SDK1: variants seen among roughly 807,000 people sequenced by gnomAD.
SDK1 encodes the protein sidekick cell adhesion molecule 1.
SDK1 carries 157 observed loss-of-function variants against 245.5 expected under a neutral mutation model. That is an observed-to-expected ratio of 0.64 (90% CI 0.56 to 0.73). The LOEUF (loss-of-function observed/expected upper bound fraction) is 0.73, where lower values mean the gene tolerates loss of function less well. Among genes scored for constraint, SDK1 ranks in the 30% least tolerant of loss-of-function variants. The probability of loss-of-function intolerance (pLI) is 0.00; values close to 1 mark genes in which losing one functional copy is unlikely to be tolerated. For synonymous variants in SDK1, 1,647 were observed against 1,278.5 expected (o/e 1.29, Z -6.15); for missense variants, 3,583 against 3,002.3 (o/e 1.19, Z -4.52).
intron 35 of SDK1, among the ~76,000 whole-genome samples, chr7:4,185,355 C>G (rs1782826313): frequency 1.3e-5 from 2 of 152,202 alleles, no homozygotes; most frequent in African/African-American, 4.8e-5. Context: ...GGACCACGCT[C>G]CAGCCTTCAA....
chr7:4,032,000 C>T (rs1787854012), intron 17 of SDK1, among the ~76,000 whole-genome samples: 1 of 148,148 alleles, frequency 6.8e-6, no homozygotes, highest in Admixed American at 6.8e-5. Flanking sequence ...GCACTCCAGC[C>T]TGGGTGACAG....
At chr7:3,771,464 A>G (rs1295170071) in intron 4 of SDK1, among the ~76,000 whole-genome samples, 1 of 151,538 alleles carries the variant, frequency 6.6e-6, no homozygotes, top group Non-Finnish European at 1.5e-5. Flanking sequence ...AATAAACTTA[A>G]CTCACCCTCA....
intron 4 of SDK1, among the ~76,000 whole-genome samples, chr7:3,769,016 G>A (rs1014763956): frequency 6.6e-6 from 1 of 152,160 alleles, no homozygotes; most frequent in Non-Finnish European, 1.5e-5. Flanking sequence ...TTGTAATTAT[G>A]CCACGTTCTC....
intron 4 of SDK1, among the ~76,000 whole-genome samples, chr7:3,717,616 A>T (rs1785240402): frequency 1.3e-5 from 2 of 152,218 alleles, no homozygotes; most frequent in Non-Finnish European, 2.9e-5. Context: ...AGCCTTTAAA[A>T]GAATGATAGG....
intron 2 of SDK1, among the ~76,000 whole-genome samples, chr7:3,627,903 C>G (rs1782169795): frequency 6.6e-6 from 1 of 152,176 alleles, no homozygotes; most frequent in Non-Finnish European, 1.5e-5. Context: ...ATTTCCAGTC[C>G]TGTTTCTCCC....
intron 1 of SDK1, among the ~76,000 whole-genome samples, chr7:3,320,853 A>G (rs1353828034): frequency 1.3e-5 from 2 of 152,142 alleles, no homozygotes; most frequent in East Asian, 3.9e-4. Context: ...TGTTTCAGGA[A>G]TTGGAGAAAT....
intron 1 of SDK1, among the ~76,000 whole-genome samples, chr7:3,518,960 G>T (rs1279680063): frequency 7.1e-6 from 1 of 140,142 alleles, no homozygotes; most frequent in Non-Finnish European, 1.6e-5. Flanking sequence ...ACGCTATTCA[G>T]CCATAAAAAA....
chr7:4,016,400 G>T (rs1225139195), intron 16 of SDK1, among the ~76,000 whole-genome samples: 1 of 152,232 alleles, frequency 6.6e-6, no homozygotes, highest in Non-Finnish European at 1.5e-5. Context: ...AATTACCTGA[G>T]TCAGTTCAGT....
At chr7:4,233,548 G>A (rs962162084) in intron 41 of SDK1, 129 bp downstream of exon 41, 8 of 884,466 alleles carry the variant, frequency 9.0e-6, no homozygotes, top group African/African-American at 1.7e-5. Context: ...GGGGACCCAG[G>A]GAGGTCTGTC....
At chr7:4,161,756 A>C (rs767284983) in intron 31 of SDK1, 30 bp from the exon 32 acceptor site, 153 of 1,596,780 alleles carry the variant, frequency 9.6e-5, no homozygotes, top group Non-Finnish European at 1.2e-4. Flanking sequence ...AACCACCCTG[A>C]CCCCCGCTTT....
At chr7:4,064,777 G>T (rs1471793771) in intron 19 of SDK1, among the ~76,000 whole-genome samples, 1 of 152,142 alleles carries the variant, frequency 6.6e-6, no homozygotes, top group Non-Finnish European at 1.5e-5. Flanking sequence ...CAGGGAACTG[G>T]AGGGCATTAC....
At chr7:3,419,540 G>A (rs975721367) in intron 1 of SDK1, among the ~76,000 whole-genome samples, 1 of 152,114 alleles carries the variant, frequency 6.6e-6, no homozygotes, top group African/African-American at 2.4e-5. Flanking sequence ...TGAGTGCTCT[G>A]GACACCATGA....
chr7:3,984,068 T>C (rs1168334752), intron 13 of SDK1, among the ~76,000 whole-genome samples: 1 of 152,232 alleles, frequency 6.6e-6, no homozygotes, highest in Admixed American at 6.5e-5. Flanking sequence ...TCTCAGGCTG[T>C]TGCGACCGTT....
chr7:3,395,699 A>C (rs752754887), intron 1 of SDK1, among the ~76,000 whole-genome samples: 24 of 151,878 alleles, frequency 1.6e-4, no homozygotes, highest in Non-Finnish European at 3.1e-4. Context: ...GAGATTTTCT[A>C]TTCCTTCTTT....
intron 1 of SDK1, among the ~76,000 whole-genome samples, chr7:3,319,067 C>T (rs1469171788): frequency 6.6e-6 from 1 of 152,092 alleles, no homozygotes; most frequent in Admixed American, 6.6e-5. Context: ...GGACAAAAAA[C>T]CGCATTGTTA....
chr7:4,207,993 G>GCCCCAGAACTCAGCTCA, intron 36 of SDK1, 106 bp from the exon 37 acceptor site: 1 of 805,364 alleles, frequency 1.2e-6, no homozygotes, highest in Non-Finnish European at 2.0e-6. Context: ...AGCACAGCTC[G>GCCCCAGAACTCAGCTCA]CCCCAGAACT....
chr7:3,785,586 A>G (rs1241652071), intron 4 of SDK1, among the ~76,000 whole-genome samples: 2 of 152,230 alleles, frequency 1.3e-5, no homozygotes, highest in Non-Finnish European at 2.9e-5. Context: ...AAATTAAATA[A>G]TTATTTTCTT....
intron 14 of SDK1, among the ~76,000 whole-genome samples, chr7:3,993,992 C>G (rs1784529119): frequency 6.6e-6 from 1 of 152,118 alleles, no homozygotes; most frequent in Non-Finnish European, 1.5e-5. Flanking sequence ...AAGTCTTTCT[C>G]TTCATTCTTC....
chr7:3,633,747 C>T (rs1483172786), intron 2 of SDK1, among the ~76,000 whole-genome samples: 2 of 152,148 alleles, frequency 1.3e-5, no homozygotes, highest in Non-Finnish European at 2.9e-5. Flanking sequence ...TTGAAGGGTT[C>T]TAAAACCACA....
Sources: gnomAD v4.1 joint callset for allele counts (sites outside exome capture counted in the v4.1 genomes callset) on GRCh38, gnomAD v4.1.1 for gene constraint, MANE v1.5 for transcripts, NCBI Gene and HGNC (gene_info 2026-07-23, HGNC 2026-07-21) for gene names.